Variants in TSPAN5 observed in about 807,000 individuals in gnomAD.
TSPAN5 encodes the protein tetraspanin-5.
Under a neutral mutation model 37.1 loss-of-function variants are expected in TSPAN5, and 10 were observed. That is an observed-to-expected ratio of 0.27 (90% confidence interval 0.17 to 0.46). TSPAN5 has a LOEUF of 0.46. Ranked by LOEUF, TSPAN5 falls within the 20% of genes least tolerant of loss-of-function variation. TSPAN5 has a pLI of 1.00. For missense variants in TSPAN5, 195 were observed against 326.6 expected (o/e 0.60, Z 3.11); for synonymous variants, 110 against 118.9 (o/e 0.93, Z 0.48).
chr4:98,532,223 T>C (rs1239745774), intron 1 of TSPAN5, among the ~76,000 whole-genome samples: 1 of 152,200 alleles, frequency 6.6e-6, no homozygotes, highest in African/African-American at 2.4e-5. Context: ...TCCAATTCTG[T>C]GAAGAAAGTC....
At chr4:98,583,026 A>G (rs1162420411) in intron 1 of TSPAN5, among the ~76,000 whole-genome samples, 1 of 152,166 alleles carries the variant, frequency 6.6e-6, no homozygotes, top group Non-Finnish European at 1.5e-5. Flanking sequence ...AGAAAATAGA[A>G]CGTTGTATTT....
At chr4:98,506,285 C>T (rs1288210258) in intron 2 of TSPAN5, among the ~76,000 whole-genome samples, 1 of 152,116 alleles carries the variant, frequency 6.6e-6, no homozygotes, top group Non-Finnish European at 1.5e-5. Flanking sequence ...TAATCCAAGA[C>T]AAGATCAACC....
At chr4:98,605,354 T>A (rs1435969894) in intron 1 of TSPAN5, among the ~76,000 whole-genome samples, 1 of 152,228 alleles carries the variant, frequency 6.6e-6, no homozygotes, top group Non-Finnish European at 1.5e-5. Context: ...TCACTGAGCA[T>A]AATATCGCAT....
chr4:98,614,172 C>T (rs1379936033), intron 1 of TSPAN5, among the ~76,000 whole-genome samples: 2 of 152,164 alleles, frequency 1.3e-5, no homozygotes, highest in East Asian at 1.9e-4. Flanking sequence ...TGGTGTTATT[C>T]ATCTGTAGTT....
chr4:98,602,371 C>A (rs1755902794), intron 1 of TSPAN5, among the ~76,000 whole-genome samples: 1 of 152,188 alleles, frequency 6.6e-6, no homozygotes, highest in Non-Finnish European at 1.5e-5. Flanking sequence ...TTTTAATCTG[C>A]AGCATGTCTG....
At chr4:98,639,329 C>G (rs1376935069) in intron 1 of TSPAN5, among the ~76,000 whole-genome samples, 1 of 152,062 alleles carries the variant, frequency 6.6e-6, no homozygotes, top group African/African-American at 2.4e-5. Flanking sequence ...CTAATCTAAT[C>G]TAATCTGAGA....
chr4:98,648,600 G>A (rs938875438), intron 1 of TSPAN5, among the ~76,000 whole-genome samples: 4 of 152,200 alleles, frequency 2.6e-5, no homozygotes, highest in Non-Finnish European at 4.4e-5. Flanking sequence ...GGGCTTTCAG[G>A]TTTAAAAATA....
intron 1 of TSPAN5, among the ~76,000 whole-genome samples, chr4:98,516,841 C>CT (rs1228774737): frequency 1.3e-5 from 2 of 152,134 alleles, no homozygotes; most frequent in Admixed American, 6.5e-5. Context: ...AGTGAGATTC[C>CT]TTCTCCTGTT....
chr4:98,554,498 G>A (rs1001979869), intron 1 of TSPAN5, among the ~76,000 whole-genome samples: 1 of 152,114 alleles, frequency 6.6e-6, no homozygotes, highest in Non-Finnish European at 1.5e-5. Context: ...TTCAATTGCT[G>A]CACATCCATA....
chr4:98,658,079 A>G, intron 1 of TSPAN5, 67 bp downstream of exon 1: 2 of 1,421,336 alleles, frequency 1.4e-6, no homozygotes. Flanking sequence ...GCAACGAACA[A>G]CGTGGGGGAA....
chr4:98,517,388 C>T (rs1175604842), intron 1 of TSPAN5, among the ~76,000 whole-genome samples: 1 of 152,040 alleles, frequency 6.6e-6, no homozygotes, highest in Non-Finnish European at 1.5e-5. Flanking sequence ...CTGAAAAACA[C>T]CACATAGCAG....
intron 2 of TSPAN5, chr4:98,496,561 A>G (rs1201053735): frequency 3.3e-5 from 5 of 152,212 alleles, no homozygotes; most frequent in Non-Finnish European, 5.9e-5. Context: ...TGAGGAGAAG[A>G]GGAGAAGGAG....
Position 98,509,004 on chromosome 4 carries a change from T to C in TSPAN5, c.82-1276A>G, listed in dbSNP as rs1578955581. Among the ~76,000 whole-genome samples, 8 of 152,282 alleles carry C rather than the reference T, an allele frequency of 5.3e-5. No individual in the cohort carries two copies. The South Asian group carries it at 1.7e-3, about 32-fold the overall frequency. On this transcript the variant is annotated intron_variant, in intron 1 of 7. Transcript: ENST00000305798. ...GTTTTGTAACTGGGGCGACACAGAC[T>C]TGATGACACATTGTACAGAGCTGTC...
chr4:98,594,167 T>C (rs1439134393), intron 1 of TSPAN5, among the ~76,000 whole-genome samples: 1 of 128,102 alleles, frequency 7.8e-6, no homozygotes, highest in Admixed American at 7.6e-5. Flanking sequence ...CCCTTGTAAG[T>C]TGGATTCCTA....
chr4:98,640,593 C>A (rs1756944540), intron 1 of TSPAN5, among the ~76,000 whole-genome samples: 1 of 152,156 alleles, frequency 6.6e-6, no homozygotes, highest in Admixed American at 6.5e-5. Context: ...GAGGAAATTA[C>A]AGCCCAGGAG....
intron 1 of TSPAN5, among the ~76,000 whole-genome samples, chr4:98,569,156 TTA>T (rs1476389309): frequency 1.3e-5 from 2 of 152,228 alleles, no homozygotes; most frequent in Non-Finnish European, 2.9e-5. Context: ...AAGCATCTGA[TTA>T]TGATTTGGCT....
intron 1 of TSPAN5, among the ~76,000 whole-genome samples, chr4:98,645,931 C>T (rs1263473738): frequency 6.6e-6 from 1 of 152,174 alleles, no homozygotes; most frequent in Non-Finnish European, 1.5e-5. Context: ...TTATCCCCTG[C>T]TTCCCCTTGA....
chr4:98,516,595 C>T (rs1040405133), intron 1 of TSPAN5, among the ~76,000 whole-genome samples: 1 of 152,176 alleles, frequency 6.6e-6, no homozygotes, highest in East Asian at 1.9e-4. Context: ...GGTTTGAGCA[C>T]GGTTTGTCTG....
chr4:98,541,339 A>T (rs1057072879), intron 1 of TSPAN5, among the ~76,000 whole-genome samples: 1 of 152,170 alleles, frequency 6.6e-6, no homozygotes, highest in African/African-American at 2.4e-5. Flanking sequence ...TTCTCTCAGA[A>T]GATTACATAT....
Sources: allele counts gnomAD v4.1 joint callset (sites outside exome capture counted in the v4.1 genomes callset), GRCh38; gene constraint gnomAD v4.1.1; transcripts MANE v1.5; gene names NCBI Gene and HGNC (gene_info 2026-07-23, HGNC 2026-07-21).